SAMMSON: variants seen among roughly 807,000 people sequenced by gnomAD.
SAMMSON encodes survival associated mitochondrial melanoma specific oncogenic non-coding RNA.
At chr3:70,053,155 TG>T (rs1289023260) in intron 3 of SAMMSON, among the ~76,000 whole-genome samples, 5 of 152,100 alleles carry the variant, frequency 3.3e-5, no homozygotes, top group African/African-American at 1.2e-4. Context: ...GGGAAATAGG[TG>T]GATATGGATT....
intron 7 of SAMMSON, among the ~76,000 whole-genome samples, chr3:70,328,602 G>A (rs527556325): frequency 6.6e-6 from 1 of 152,186 alleles, no homozygotes; most frequent in African/African-American, 2.4e-5. Flanking sequence ...TGGAAACCTT[G>A]CAATAATTAT....
At chr3:70,207,803 A>G (rs536028944) in intron 4 of SAMMSON, among the ~76,000 whole-genome samples, 1 of 152,058 alleles carries the variant, frequency 6.6e-6, no homozygotes, top group African/African-American at 2.4e-5. Context: ...ATCATTTTAT[A>G]TTAGAGACCT....
intron 4 of SAMMSON, chr3:70,094,994 A>G (rs2067318395): frequency 1.3e-5 from 2 of 152,266 alleles, no homozygotes; most frequent in Non-Finnish European, 2.9e-5. Context: ...GGTAGATTCA[A>G]AGATTTTCTA....
intron 6 of SAMMSON, among the ~76,000 whole-genome samples, chr3:70,279,234 A>G (rs915036817): frequency 6.6e-6 from 1 of 151,916 alleles, no homozygotes; most frequent in East Asian, 1.9e-4. Flanking sequence ...AGAACCCTGC[A>G]AAGTACATAT....
intron 3 of SAMMSON, among the ~76,000 whole-genome samples, chr3:70,065,977 G>A (rs575126667): frequency 1.3e-5 from 2 of 152,222 alleles, no homozygotes; most frequent in African/African-American, 4.8e-5. Context: ...TTTGTGGAAG[G>A]CAGTTACATG....
intron 3 of SAMMSON, among the ~76,000 whole-genome samples, chr3:70,053,751 G>C (rs1478418368): frequency 6.6e-6 from 1 of 151,932 alleles, no homozygotes; most frequent in Non-Finnish European, 1.5e-5. Context: ...TTTTTTCACT[G>C]GTGCATTTCC....
intron 4 of SAMMSON, among the ~76,000 whole-genome samples, chr3:70,211,033 A>G (rs907536247): frequency 6.6e-6 from 1 of 152,054 alleles, no homozygotes; most frequent in Non-Finnish European, 1.5e-5. Flanking sequence ...TTCATTTTTG[A>G]TCACTAAATG....
intron 6 of SAMMSON, among the ~76,000 whole-genome samples, chr3:70,264,519 A>G (rs770933859): frequency 3.9e-5 from 6 of 152,216 alleles, no homozygotes; most frequent in Non-Finnish European, 7.3e-5. Flanking sequence ...GAGAATAACC[A>G]TGAGAATTTA....
intron 4 of SAMMSON, among the ~76,000 whole-genome samples, chr3:70,167,672 G>C (rs2067643262): frequency 6.6e-6 from 1 of 151,812 alleles, no homozygotes; most frequent in Admixed American, 6.6e-5. Context: ...AGATGCATCA[G>C]CTTTCTTGCT....
intron 7 of SAMMSON, among the ~76,000 whole-genome samples, chr3:70,306,959 A>G (rs560041920): frequency 5.4e-4 from 82 of 152,290 alleles, no homozygotes; most frequent in African/African-American, 1.9e-3. Context: ...ACAAATAAAT[A>G]TGTATATGTA....
intron 4 of SAMMSON, among the ~76,000 whole-genome samples, chr3:70,087,540 CT>C (rs2067290271): frequency 6.6e-6 from 1 of 152,110 alleles, no homozygotes; most frequent in Non-Finnish European, 1.5e-5. Flanking sequence ...AAGGAATATC[CT>C]TCCTCTGAGA....
chr3:70,223,485 G>A (rs1376340394), intron 4 of SAMMSON, among the ~76,000 whole-genome samples: 1 of 152,088 alleles, frequency 6.6e-6, no homozygotes, highest in Admixed American at 6.6e-5. Context: ...TCCTTCCTGA[G>A]CAAAAGTTAC....
chr3:70,220,387 T>G (rs1451139605), intron 4 of SAMMSON, among the ~76,000 whole-genome samples: 1 of 151,986 alleles, frequency 6.6e-6, no homozygotes, highest in East Asian at 1.9e-4. Context: ...TGCAGTGAGC[T>G]ATGATGGCAC....
chr3:70,154,263 T>C (rs770686309), intron 4 of SAMMSON, among the ~76,000 whole-genome samples: 1 of 152,040 alleles, frequency 6.6e-6, no homozygotes, highest in Non-Finnish European at 1.5e-5. Context: ...TAATTCTATG[T>C]ACTTTGCATG....
chr3:70,266,328 A>T (rs950849941), intron 6 of SAMMSON, among the ~76,000 whole-genome samples: 1 of 152,096 alleles, frequency 6.6e-6, no homozygotes, highest in Non-Finnish European at 1.5e-5. Flanking sequence ...GTTTTGATTA[A>T]ACTGTAATCG....
chr3:70,108,141 G>T (rs1470005101), intron 4 of SAMMSON, among the ~76,000 whole-genome samples: 1 of 151,944 alleles, frequency 6.6e-6, no homozygotes, highest in African/African-American at 2.4e-5. Flanking sequence ...GTGTTAGACT[G>T]GTTTCTTGAA....
At chr3:70,260,710 A>G (rs1025184896) in intron 6 of SAMMSON, among the ~76,000 whole-genome samples, 3 of 152,080 alleles carry the variant, frequency 2.0e-5, no homozygotes, top group African/African-American at 7.2e-5. Context: ...TGGGATACCT[A>G]TAACTTATCC....
chr3:70,041,478 T>G (rs1374168403), intron 3 of SAMMSON, among the ~76,000 whole-genome samples: 1 of 152,134 alleles, frequency 6.6e-6, no homozygotes, highest in Non-Finnish European at 1.5e-5. Context: ...GGTCTCAGTT[T>G]CTTCATCTAA....
chr3:70,207,088 G>A (rs1701298774), intron 4 of SAMMSON, among the ~76,000 whole-genome samples: 4 of 149,874 alleles, frequency 2.7e-5, no homozygotes, highest in Admixed American at 2.0e-4. Context: ...CATTCACTTG[G>A]ATCAACAAAA....
Sources: gnomAD v4.1 joint callset for allele counts (sites outside exome capture counted in the v4.1 genomes callset) on GRCh38, gnomAD v4.1.1 for gene constraint, MANE v1.5 for transcripts, NCBI Gene and HGNC (gene_info 2026-07-23, HGNC 2026-07-21) for gene names.